The following ATXN7L1 variants were observed in gnomAD, a reference collection of about 807,000 sequenced individuals.
ATXN7L1 encodes the protein ataxin 7 like 1, also known as ataxin-7-like protein 1.
In ATXN7L1, 15 loss-of-function variants were observed where a neutral mutation model predicts 70.8. The observed-to-expected ratio is 0.21, with a 90% confidence interval of 0.14 to 0.33. ATXN7L1 has a LOEUF of 0.33. Ranked by LOEUF, ATXN7L1 falls within the 10% of genes least tolerant of loss-of-function variation. ATXN7L1 has a pLI of 1.00. For missense variants in ATXN7L1, 975 were observed against 1,097.1 expected, an observed-to-expected ratio of 0.89 and a Z score of 1.57; for synonymous variants, 440 against 445.1, an observed-to-expected ratio of 0.99 and a Z score of 0.14.
chr7:105,775,278 G>C (rs1802568247), intron 3 of ATXN7L1, among the ~76,000 whole-genome samples: 3 of 152,194 alleles, frequency 2.0e-5, no homozygotes, highest in Admixed American at 2.0e-4. Flanking sequence ...TGTAACATTA[G>C]TTTAACAGCA....
At chr7:105,802,377 G>A (rs1422278543) in intron 2 of ATXN7L1, among the ~76,000 whole-genome samples, 2 of 152,126 alleles carry the variant, frequency 1.3e-5, no homozygotes, top group African/African-American at 4.8e-5. Flanking sequence ...TCCCCAGCCT[G>A]CTGTTCAGAC....
At chr7:105,663,613 TC>T (rs1006358219) in intron 4 of ATXN7L1, among the ~76,000 whole-genome samples, 2 of 152,236 alleles carry the variant, frequency 1.3e-5, no homozygotes, top group African/African-American at 4.8e-5. Flanking sequence ...AGAAGCCAGT[TC>T]CTTAAGTACT....
intron 3 of ATXN7L1, among the ~76,000 whole-genome samples, chr7:105,694,954 C>A (rs1015964010): frequency 2.6e-5 from 4 of 152,218 alleles, no homozygotes; most frequent in South Asian, 2.1e-4. Context: ...GAGTTCGAAA[C>A]CAGCCCAGCC....
intron 3 of ATXN7L1, among the ~76,000 whole-genome samples, chr7:105,682,367 A>T (rs1404893430): frequency 1.3e-5 from 2 of 152,210 alleles, no homozygotes; most frequent in Admixed American, 1.3e-4. Flanking sequence ...ACCAAAATTA[A>T]TTTTTTAATA....
intron 2 of ATXN7L1, among the ~76,000 whole-genome samples, chr7:105,871,883 A>G (rs1818319601): frequency 6.6e-6 from 1 of 152,224 alleles, no homozygotes; most frequent in Non-Finnish European, 1.5e-5. Context: ...AAGAAAGTTT[A>G]AAGGGGTGAG....
chr7:105,627,738 G>T (rs962440387), intron 7 of ATXN7L1, among the ~76,000 whole-genome samples: 2 of 151,468 alleles, frequency 1.3e-5, no homozygotes, highest in Non-Finnish European at 2.9e-5. Flanking sequence ...CACCATGTTG[G>T]CCAGGCTGGT....
chr7:105,802,507 G>C (rs373437357), intron 2 of ATXN7L1, among the ~76,000 whole-genome samples: 1 of 152,294 alleles, frequency 6.6e-6, no homozygotes, highest in South Asian at 2.1e-4. Context: ...CCCCTCAGCA[G>C]TCAGGTGAGT....
intron 3 of ATXN7L1, among the ~76,000 whole-genome samples, chr7:105,775,190 C>T (rs1044808079): frequency 1.3e-5 from 2 of 152,180 alleles, no homozygotes; most frequent in Non-Finnish European, 2.9e-5. Context: ...GCGCCTGGCC[C>T]TGCAAAGGAG....
intron 2 of ATXN7L1, among the ~76,000 whole-genome samples, chr7:105,810,623 C>T (rs1037276206): frequency 2.0e-5 from 3 of 152,084 alleles, no homozygotes; most frequent in African/African-American, 7.2e-5. Context: ...AGAGCTAGTG[C>T]AAAGGTCCAG....
chr7:105,745,314 C>T (rs1009750047), intron 3 of ATXN7L1, among the ~76,000 whole-genome samples: 23 of 152,188 alleles, frequency 1.5e-4, no homozygotes, highest in Non-Finnish European at 2.4e-4. Flanking sequence ...TGCAACTTTT[C>T]GGTAAGTTTG....
intron 3 of ATXN7L1, among the ~76,000 whole-genome samples, chr7:105,733,183 C>A (rs1319365852): frequency 6.6e-6 from 1 of 152,170 alleles, no homozygotes; most frequent in Non-Finnish European, 1.5e-5. Context: ...TAGATAGAAT[C>A]TAGTAGATAG....
intron 7 of ATXN7L1, among the ~76,000 whole-genome samples, chr7:105,624,519 G>A (rs1163650671): frequency 2.6e-5 from 4 of 152,168 alleles, no homozygotes; most frequent in South Asian, 4.1e-4. Context: ...GCATGGTGGC[G>A]CGTGCCTGTA....
intron 2 of ATXN7L1, among the ~76,000 whole-genome samples, chr7:105,835,468 A>T (rs1246196043): frequency 2.7e-5 from 4 of 146,840 alleles, no homozygotes; most frequent in Non-Finnish European, 4.5e-5. Flanking sequence ...TGTATAATTA[A>T]AAAAAAAAAA....
At chr7:105,613,188 A>G (rs1287170347) in intron 10 of ATXN7L1, among the ~76,000 whole-genome samples, 2 of 152,228 alleles carry the variant, frequency 1.3e-5, no homozygotes, top group Non-Finnish European at 2.9e-5. Context: ...TATCCTTCCC[A>G]GACTGCGCCA....
In ATXN7L1 at chr7:105,614,961, G is replaced by T. The variant is rs1273333123; in HGVS notation, c.1518-145C>A. 1.0e-6 allele frequency: 1 copy of T among 1,001,624 alleles called. No homozygotes were observed. The highest frequency in any genetic ancestry group is 1.4e-6 in the Non-Finnish European group (1 of 709,020). 62.0% of individuals were successfully genotyped at this position (1,001,624 alleles called of 1,614,324 possible). On this transcript the variant is annotated intron_variant, in intron 9 of 11. Transcript: ENST00000419735. The surrounding 1 kb of genome is among the most constrained non-coding windows in gnomAD (Gnocchi z 4.3). The stretch of plus-strand genomic sequence containing the variant: ...GAGAATGGAGCCTTGAAGGATGGGA[G>T]AATCTGAAGCATGGCCCCTCCTTAT...
intron 3 of ATXN7L1, among the ~76,000 whole-genome samples, chr7:105,776,458 T>C (rs1802732346): frequency 6.6e-6 from 1 of 150,862 alleles, no homozygotes; most frequent in African/African-American, 2.5e-5. Context: ...TCTTCCAAGA[T>C]TCTTTTTTTT....
chr7:105,722,126 T>C (rs951681851), intron 3 of ATXN7L1, among the ~76,000 whole-genome samples: 1 of 152,216 alleles, frequency 6.6e-6, no homozygotes, highest in Non-Finnish European at 1.5e-5. Context: ...CTCTTCACAG[T>C]GGCTTCAAAA....
chr7:105,691,182 G>C (rs532757433), intron 3 of ATXN7L1, among the ~76,000 whole-genome samples: 1 of 152,086 alleles, frequency 6.6e-6, no homozygotes, highest in Non-Finnish European at 1.5e-5. Context: ...CAAAACAACC[G>C]CTGTAAACTC....
chr7:105,671,371 T>C (rs559182030), intron 3 of ATXN7L1, among the ~76,000 whole-genome samples: 2 of 152,202 alleles, frequency 1.3e-5, no homozygotes, highest in South Asian at 2.1e-4. Flanking sequence ...GCTTTATAGC[T>C]CTTGCTACAC....
Sources: allele counts gnomAD v4.1 joint callset (sites outside exome capture counted in the v4.1 genomes callset), GRCh38; gene constraint gnomAD v4.1.1; non-coding constraint Gnocchi (gnomAD v3.1); transcripts MANE v1.5; gene names NCBI Gene and HGNC (gene_info 2026-07-23, HGNC 2026-07-21).